TNNT2: variants seen among roughly 807,000 people sequenced by gnomAD.
TNNT2 encodes the protein troponin T2, cardiac type, also known as troponin T, cardiac muscle.
A neutral mutation model predicts 62.4 loss-of-function variants in TNNT2; 34 were observed. The ratio of observed to expected loss-of-function variants is 0.54; its 90% CI spans 0.41 to 0.72. The LOEUF is 0.72. Among genes scored for constraint, TNNT2 ranks in the 30% least tolerant of loss-of-function variants. The probability of loss-of-function intolerance (pLI) is 0.00; values close to 1 mark genes in which losing one functional copy is unlikely to be tolerated. For missense variants in TNNT2, 275 were observed against 381.9 expected (o/e 0.72, Z 2.33); for synonymous variants, 123 against 127.2 (o/e 0.97, Z 0.22).
At chr1:201,366,633 G>C in intron 8 of TNNT2, 1 of 1,464,610 alleles carries the variant, frequency 6.8e-7, no homozygotes, top group Non-Finnish European at 9.0e-7. Flanking sequence ...GATTGGTGAT[G>C]GAGTGTTGGG....
intron 1 of TNNT2, 26 bp from the exon 2 acceptor site, chr1:201,373,294 C>T: frequency 1.2e-6 from 2 of 1,610,976 alleles, no homozygotes; most frequent in Non-Finnish European, 8.5e-7. Flanking sequence ...AAAGTCAGTG[C>T]AGGTACAAAG....
At chr1:201,360,383 C>G (rs1398914129) in intron 15 of TNNT2, 1 of 153,784 alleles carries the variant, frequency 6.5e-6, no homozygotes, top group Non-Finnish European at 1.4e-5. Flanking sequence ...GTAACCCTCA[C>G]AATCACCCTC....
chr1:201,367,695 A>C (rs1412847632), intron 7 of TNNT2, 76 bp downstream of exon 7: 2 of 1,498,970 alleles, frequency 1.3e-6, no homozygotes, highest in Non-Finnish European at 9.3e-7. Context: ...TGGAAAGAGC[A>C]CTGTGGGCAT....
At chr1:201,375,071 A>C (rs1310646737) in intron 1 of TNNT2, 1 of 152,062 alleles carries the variant, frequency 6.6e-6, no homozygotes, top group Non-Finnish European at 1.5e-5. Flanking sequence ...AGTCCTGCTC[A>C]CTCCCTCATC....
intron 9 of TNNT2, 38 bp from the exon 10 acceptor site, chr1:201,365,345 CAA>C (rs1659463990): frequency 1.3e-6 from 2 of 1,557,224 alleles, no homozygotes; most frequent in Non-Finnish European, 1.8e-6. Context: ...GCTGCCACTC[CAA>C]AGAGTCCAGA....
At position 201,361,260 on chromosome 1, in the gene TNNT2, G is replaced by A. The variant is rs759948627; in HGVS notation, c.810+19C>T. 6.2e-7 allele frequency: 1 copy of A among 1,612,520 alleles called. No homozygotes were observed. Among genetic ancestry groups the A allele is most frequent in the South Asian group, 1.1e-5 (1 of 91,036 alleles). On this transcript the variant is annotated intron_variant, in intron 15 of 16. Transcript: ENST00000656932. ...AGTGTGAGATGGAGATGCTGGGCGG[G>A]GACAGCATGGCGGCCCACCTCATAT... is the stretch of plus-strand genomic sequence containing the variant.
intron 9 of TNNT2, 82 bp from the exon 10 acceptor site, chr1:201,365,389 G>A (rs1204165513): frequency 6.7e-6 from 9 of 1,338,818 alleles, no homozygotes; most frequent in Admixed American, 5.0e-5. Context: ...ACCCCCCAAC[G>A]CAGTGCAAAA....
At chr1:201,359,917 G>C (rs1038042415) in intron 15 of TNNT2, among the ~76,000 whole-genome samples, 4 of 152,194 alleles carry the variant, frequency 2.6e-5, no homozygotes, top group Non-Finnish European at 5.9e-5. Context: ...ATAGGTTCAG[G>C]ATATGAGAGT....
At chr1:201,368,061 C>T in intron 6 of TNNT2, 101 bp downstream of exon 6, 1 of 1,243,852 alleles carries the variant, frequency 8.0e-7, no homozygotes, top group Non-Finnish European at 1.2e-6. Context: ...GTCAGGTGCA[C>T]ATGGGAAAGC....
chr1:201,365,552 T>C, intron 9 of TNNT2, 58 bp downstream of exon 9: 19 of 1,576,144 alleles, frequency 1.2e-5, no homozygotes, highest in East Asian at 2.2e-5. Context: ...TCTCTGTCAC[T>C]GAGGGCCCTT....
In TNNT2 at chr1:201,361,060, A is replaced by C; in HGVS notation, c.810+219T>G. 7 of 645,574 alleles carry C rather than the reference A, an allele frequency of 1.1e-5. No homozygotes were observed. In the South Asian group the frequency reaches 1.2e-4, roughly 11 times the overall value. 40.0% of individuals were successfully genotyped at this position (645,574 alleles called of 1,614,324 possible). ...GAACACCAGGAAAGTGTCTCTGCTC[A>C]GCCCCAGCGAGCTCTCAGACACTTC... On this transcript the variant is annotated intron_variant, in intron 15 of 16. Coordinates refer to ENST00000656932, the MANE Select transcript of TNNT2 (RefSeq NM_001276345.2).
At chr1:201,365,348 A>G (rs1449493756) in intron 9 of TNNT2, 41 bp from the exon 10 acceptor site, 4 of 1,549,610 alleles carry the variant, frequency 2.6e-6, no homozygotes, top group Non-Finnish European at 3.6e-6. Context: ...GCCACTCCAA[A>G]GAGTCCAGAG....
chr1:201,371,254 T>C (rs2102304132), intron 4 of TNNT2, among the ~76,000 whole-genome samples: 1 of 152,278 alleles, frequency 6.6e-6, no homozygotes, highest in East Asian at 1.9e-4. Flanking sequence ...CTCTGAGTCA[T>C]TTCCATGTGC....
At chr1:201,376,525 G>A (rs967448665) in intron 1 of TNNT2, among the ~76,000 whole-genome samples, 5 of 152,170 alleles carry the variant, frequency 3.3e-5, no homozygotes, top group Non-Finnish European at 7.4e-5. Context: ...GGCAGGAAGA[G>A]TGGAAGTGGG....
At chr1:201,375,569 C>A (rs1255904606) in intron 1 of TNNT2, among the ~76,000 whole-genome samples, 2 of 152,202 alleles carry the variant, frequency 1.3e-5, no homozygotes, top group East Asian at 3.9e-4. Context: ...CAGAGGTTCT[C>A]CAAATAGGTC....
intron 2 of TNNT2, among the ~76,000 whole-genome samples, chr1:201,372,502 C>G (rs1389495226): frequency 2.0e-5 from 3 of 152,186 alleles, no homozygotes; most frequent in Non-Finnish European, 1.5e-5. Flanking sequence ...CCAAATTCTA[C>G]ACAGGTAAGA....
At chr1:201,360,725 T>A in intron 15 of TNNT2, 1 of 155,310 alleles carries the variant, frequency 6.4e-6, no homozygotes, top group South Asian at 2.0e-4. Flanking sequence ...TCGGGGGTGG[T>A]GGGTAAGGAA....
chr1:201,374,734 A>C (rs1246458846), intron 1 of TNNT2: 1 of 152,206 alleles, frequency 6.6e-6, no homozygotes, highest in Non-Finnish European at 1.5e-5. Context: ...CATTCAGCTA[A>C]TAACTACTAT....
intron 14 of TNNT2, among the ~76,000 whole-genome samples, chr1:201,361,677 G>A (rs1429559036): frequency 6.6e-6 from 1 of 152,252 alleles, no homozygotes; most frequent in Non-Finnish European, 1.5e-5. Flanking sequence ...GTGCAGGTGG[G>A]TAGGTGAAGC....
Sources: gnomAD v4.1 joint callset for allele counts (sites outside exome capture counted in the v4.1 genomes callset) on GRCh38, gnomAD v4.1.1 for gene constraint, MANE v1.5 for transcripts, NCBI Gene and HGNC (gene_info 2026-07-23, HGNC 2026-07-21) for gene names.